The following GYG1 variants were observed in gnomAD, a reference collection of about 807,000 sequenced individuals.
GYG1 encodes the protein glycogenin 1, also known as glycogenin-1.
GYG1 carries 44 observed loss-of-function variants against 41.9 expected under a neutral mutation model. The ratio of observed to expected loss-of-function variants is 1.05; its 90% CI spans 0.83 to 1.35. The LOEUF (loss-of-function observed/expected upper bound fraction) is 1.35, where lower values mean the gene tolerates loss of function less well. GYG1 is among the 40% of genes most tolerant of loss of function. The pLI is 0.00. For missense variants in GYG1, 429 were observed against 418.9 expected (o/e 1.02, Z -0.21); for synonymous variants, 141 against 158.1 (o/e 0.89, Z 0.81).
At chr3:149,005,465 A>T (rs7621515) in intron 4 of GYG1, among the ~76,000 whole-genome samples, 113,825 of 152,144 alleles carry the variant, frequency 0.75, 43,097 homozygotes, top group African/African-American at 0.85. Flanking sequence ...AGTGTACTGA[A>T]GTTGTCTTTA....
intron 4 of GYG1, among the ~76,000 whole-genome samples, chr3:149,003,109 C>T (rs1576542026): frequency 7.8e-6 from 1 of 127,414 alleles, no homozygotes; most frequent in East Asian, 2.3e-4. Context: ...GCATATTTTA[C>T]TATAATTTTT....
chr3:148,998,067 A>G (rs560298824), intron 4 of GYG1, among the ~76,000 whole-genome samples: 1 of 152,248 alleles, frequency 6.6e-6, no homozygotes, highest in Non-Finnish European at 1.5e-5. Flanking sequence ...CATTAGACCT[A>G]TAAGTTTGTT....
At chr3:149,014,898 C>T (rs1249435666) in intron 5 of GYG1, among the ~76,000 whole-genome samples, 2 of 149,942 alleles carry the variant, frequency 1.3e-5, no homozygotes, top group African/African-American at 4.9e-5. Flanking sequence ...ATAACTTCCT[C>T]AGAAGTCTCA....
chr3:149,025,257 T>G (rs1486259779), intron 6 of GYG1, among the ~76,000 whole-genome samples: 1 of 152,204 alleles, frequency 6.6e-6, no homozygotes, highest in Non-Finnish European at 1.5e-5. Flanking sequence ...CTGTTCCACC[T>G]CAGATCATCA....
rs1004697192 is a variant in GYG1 at position 149,030,421 on chromosome 3, C to A, written c.*3488C>A. On this transcript the variant is annotated 3_prime_UTR_variant, in exon 8 of 8. Coordinates refer to ENST00000345003, the MANE Select transcript of GYG1 (RefSeq NM_004130.4). Reference sequence around the variant, plus strand: ...TTTTTTAAACAACTTGCCAAACTTACTTATGAGTGTGTTTTAAAAACAACT... The same window carrying A: ...TTTTTTAAACAACTTGCCAAACTTAATTATGAGTGTGTTTTAAAAACAACT... 6.6e-6 allele frequency: 1 copy of A among 152,144 alleles called. No homozygotes were observed. Among genetic ancestry groups the A allele is most frequent in the African/African-American group, 2.4e-5 (1 of 41,420 alleles). 9.4% of individuals were successfully genotyped at this position (152,144 alleles called of 1,614,324 possible).
chr3:149,007,481 G>GA (rs565497015), intron 4 of GYG1, among the ~76,000 whole-genome samples: 10 of 152,194 alleles, frequency 6.6e-5, no homozygotes, highest in Admixed American at 2.6e-4. Context: ...GACAATAAGT[G>GA]AACGCCTTTG....
intron 5 of GYG1, among the ~76,000 whole-genome samples, chr3:149,022,396 C>T (rs943940282): frequency 1.3e-5 from 2 of 151,930 alleles, no homozygotes; most frequent in African/African-American, 4.8e-5. Context: ...TTGTCCCTTC[C>T]CAATCATAGC....
rs1576534377 is a variant in GYG1, at chr3:148,991,706, C to T, written c.7+59C>T. On this transcript the variant is annotated intron_variant, in intron 1 of 7. Coordinates refer to ENST00000345003, the MANE Select transcript of GYG1 (RefSeq NM_004130.4). ...GGACCCCGGCTTCCTGCCCAGCCGC[C>T]GCCTCCCTTCTCCTCCGCCCTCAGC... 4 of 1,315,734 alleles carry T rather than the reference C, an allele frequency of 3.0e-6. No individual in the cohort carries two copies. In the East Asian group the frequency reaches 7.9e-5, roughly 26 times the overall value. The allele number at this position is 1,315,734 out of a possible 1,614,324, so 81.5% of individuals were successfully genotyped here.
At chr3:149,009,582 A>G (rs1388388504) in intron 5 of GYG1, among the ~76,000 whole-genome samples, 180 bp downstream of exon 5, 3 of 152,174 alleles carry the variant, frequency 2.0e-5, no homozygotes, top group African/African-American at 7.2e-5. Flanking sequence ...CGGTTGCCTC[A>G]TGCTTGACCC....
At chr3:148,994,368 T>C (rs1712670026) in intron 2 of GYG1, 91 bp downstream of exon 2, 2 of 1,378,468 alleles carry the variant, frequency 1.5e-6, no homozygotes, top group African/African-American at 2.8e-5. Flanking sequence ...CCATGCTCTT[T>C]TCAGGAATTG....
At chr3:149,017,192 A>C (rs1714096133) in intron 5 of GYG1, among the ~76,000 whole-genome samples, 1 of 152,218 alleles carries the variant, frequency 6.6e-6, no homozygotes, top group African/African-American at 2.4e-5. Context: ...GGTCACAGGG[A>C]TAATTTTAAC....
Position 149,029,756 on chromosome 3 carries a change from A to C in GYG1, c.*2823A>C, listed in dbSNP as rs1714853541. 6.6e-6 allele frequency among the ~76,000 whole-genome samples: 1 copy of C among 152,232 alleles called. No homozygotes were observed. Among genetic ancestry groups the C allele is most frequent in the Non-Finnish European group, 1.5e-5 (1 of 68,034 alleles). On this transcript the variant is annotated 3_prime_UTR_variant, in exon 8 of 8. Transcript: ENST00000345003. ...TTAGTACTCACTGGTAACAAACTAC[A>C]TAGGGTTAGTTTGTATTTCCAATTC...
chr3:149,019,385 A>G (rs1457822904), intron 5 of GYG1, among the ~76,000 whole-genome samples: 1 of 152,154 alleles, frequency 6.6e-6, no homozygotes, highest in Non-Finnish European at 1.5e-5. Context: ...ATCACTGTGC[A>G]GTACTGCCCT....
At position 149,030,859 on chromosome 3, in the gene GYG1, T is replaced by TGAGA. The variant is rs552276505; in HGVS notation, c.*3929_*3932dup. On this transcript the variant is annotated 3_prime_UTR_variant, in exon 8 of 8. Coordinates refer to ENST00000345003, the MANE Select transcript of GYG1 (RefSeq NM_004130.4). ...CACAGGGAGAAAAGGACTTATCTGG[T>TGAGA]GAGAGATTTGGCATATACCTTCAAT... is the stretch of plus-strand genomic sequence containing the variant. 1.3e-5 allele frequency: 2 copies of TGAGA among 152,184 alleles called. No individual in the cohort carries two copies. Among genetic ancestry groups the TGAGA allele is most frequent in the Non-Finnish European group, 2.9e-5 (2 of 68,018 alleles). The allele number at this position is 152,184 out of a possible 1,614,324, so 9.4% of individuals were successfully genotyped here. A position where few individuals can be genotyped will look rare whatever the true frequency, so the allele number is the denominator to read the frequency against.
chr3:148,999,562 A>G (rs77072571), intron 4 of GYG1, among the ~76,000 whole-genome samples: 1,579 of 152,290 alleles, frequency 0.01, 26 homozygotes, highest in African/African-American at 0.036. Flanking sequence ...ACTTGAATCA[A>G]TGTGTGAACT....
intron 5 of GYG1, among the ~76,000 whole-genome samples, chr3:149,017,290 A>G (rs530654818): frequency 6.6e-6 from 1 of 152,322 alleles, no homozygotes; most frequent in East Asian, 1.9e-4. Flanking sequence ...TCAAGTTAAA[A>G]TTAGAACATT....
At chr3:149,012,478 C>A (rs1418044719) in intron 5 of GYG1, among the ~76,000 whole-genome samples, 1 of 152,172 alleles carries the variant, frequency 6.6e-6, no homozygotes, top group African/African-American at 2.4e-5. Context: ...TATTTAGACA[C>A]CCCAGAATCT....
intron 4 of GYG1, among the ~76,000 whole-genome samples, chr3:149,008,537 C>T (rs892541859): frequency 1.3e-5 from 2 of 152,222 alleles, no homozygotes; most frequent in African/African-American, 2.4e-5. Context: ...TTGGTTTAAA[C>T]ACAACTTCCT....
At chr3:149,005,809 C>G (rs1013535446) in intron 4 of GYG1, among the ~76,000 whole-genome samples, 31 of 152,152 alleles carry the variant, frequency 2.0e-4, no homozygotes, top group African/African-American at 7.0e-4. Flanking sequence ...ATAATACAGA[C>G]AGATCCCACA....
Sources: gnomAD v4.1 joint callset for allele counts (sites outside exome capture counted in the v4.1 genomes callset) on GRCh38, gnomAD v4.1.1 for gene constraint, MANE v1.5 for transcripts, NCBI Gene and HGNC (gene_info 2026-07-23, HGNC 2026-07-21) for gene names.